ZNF253: variants seen among roughly 807,000 people sequenced by gnomAD.
ZNF253 encodes zinc finger protein 253.
A neutral mutation model predicts 11.9 loss-of-function variants in ZNF253; 8 were observed. The ratio of observed to expected loss-of-function variants is 0.67; its 90% CI spans 0.40 to 1.22. The LOEUF (loss-of-function observed/expected upper bound fraction) is 1.22, where lower values mean the gene tolerates loss of function less well. Ranked by LOEUF, ZNF253 falls within the 50% of genes most tolerant of loss-of-function variation. ZNF253 has a pLI of 0.01. For synonymous variants in ZNF253, 194 were observed against 194.9 expected (o/e 1.00, Z 0.04); for missense variants, 485 against 586.9 (o/e 0.83, Z 1.79).
intron 1 of ZNF253, among the ~76,000 whole-genome samples, chr19:19,867,041 C>T (rs2063114456): frequency 6.6e-6 from 1 of 152,046 alleles, no homozygotes; most frequent in Non-Finnish European, 1.5e-5. Flanking sequence ...TCCCTTTTCT[C>T]CTATTAAAAA....
rs1052418403 is a variant in ZNF253 at position 19,893,020 on chromosome 19, G to A, written c.*273G>A. 8.2e-6 allele frequency: 3 copies of A among 366,356 alleles called. No individual in the cohort carries two copies. Among genetic ancestry groups the A allele is most frequent in the African/African-American group, 2.1e-5 (1 of 46,780 alleles). The allele number at this position is 366,356 out of a possible 1,614,324, so 22.7% of individuals were successfully genotyped here. A position where few individuals can be genotyped will look rare whatever the true frequency, so the allele number is the denominator to read the frequency against. ...GAGATGGAGTTTCACTCTTGTCACC[G>A]AGGCTGGAGTGCAATGACATGATCT... On this transcript the variant is annotated 3_prime_UTR_variant, in exon 4 of 4. Transcript: ENST00000589717.
chr19:19,875,958 T>C (rs1238568385), intron 1 of ZNF253, among the ~76,000 whole-genome samples: 2 of 152,216 alleles, frequency 1.3e-5, no homozygotes, highest in African/African-American at 4.8e-5. Flanking sequence ...ATTGCATTAG[T>C]ACATGTGTAC....
chr19:19,885,483 T>C (rs1343566614), intron 3 of ZNF253, among the ~76,000 whole-genome samples: 1 of 151,594 alleles, frequency 6.6e-6, no homozygotes, highest in African/African-American at 2.4e-5. Context: ...CTCTGCCTTC[T>C]GGGTTCACGC....
chr19:19,894,560 C>A lies in ZNF253; in HGVS notation c.*1813C>A, dbSNP rs550776408. 4 of 152,094 alleles carry A rather than the reference C, an allele frequency of 2.6e-5. No homozygotes were observed. The allele number at this position is 152,094 out of a possible 1,614,324, so 9.4% of individuals were successfully genotyped here. On this transcript the variant is annotated 3_prime_UTR_variant, in exon 4 of 4. Transcript: ENST00000589717. ...CCTAGCCAATGACTTAATGTTGATGCTTTGAATGTCTTTTGGATGGTCTAA... is the reference window on the plus strand; with the variant it reads ...CCTAGCCAATGACTTAATGTTGATGATTTGAATGTCTTTTGGATGGTCTAA...
In ZNF253 at chr19:19,885,371, CT is replaced by C. The variant is rs778255156; in HGVS notation, c.226+5229del. ...CTTTCTTTCTTCCTTTCTTTTCTTTCTTTTCTTTCTTTTCTTTCTTTTCTTT... is the reference window on the plus strand; with the variant it reads ...CTTTCTTTCTTCCTTTCTTTTCTTTCTTTCTTTCTTTTCTTTCTTTTCTTT... On this transcript the variant is annotated intron_variant, in intron 3 of 3. Coordinates refer to ENST00000589717, the MANE Select transcript of ZNF253 (RefSeq NM_021047.3). Among the ~76,000 whole-genome samples, 7 of 55,180 alleles carry C rather than the reference CT, an allele frequency of 1.3e-4. 3 individuals carry two copies. Among genetic ancestry groups the C allele is most frequent in the African/African-American group, 1.0e-3 (6 of 5,824 alleles). The allele number at this position is 55,180 out of a possible 152,430, so 36.2% of individuals were successfully genotyped here.
intron 3 of ZNF253, among the ~76,000 whole-genome samples, chr19:19,886,290 G>A (rs773611211): frequency 3.9e-5 from 6 of 152,284 alleles, no homozygotes; most frequent in South Asian, 4.2e-4. Flanking sequence ...ACTGTTCCCA[G>A]TATTTTAAAA....
chr19:19,867,725 A>G (rs895771536), intron 1 of ZNF253, among the ~76,000 whole-genome samples: 6 of 152,206 alleles, frequency 3.9e-5, no homozygotes, highest in African/African-American at 1.2e-4. Flanking sequence ...TGTCTTTGCT[A>G]TTGTGAATAG....
intron 3 of ZNF253, among the ~76,000 whole-genome samples, chr19:19,888,437 T>C (rs1490293173): frequency 6.6e-6 from 1 of 152,014 alleles, no homozygotes; most frequent in Non-Finnish European, 1.5e-5. Context: ...TGTGTTTTTT[T>C]TTTATTTTTG....
rs1475422705 is a variant in ZNF253 at position 19,888,294 on chromosome 19, CCT to C, written c.227-3178_227-3177del. On this transcript the variant is annotated intron_variant, in intron 3 of 3. Transcript: ENST00000589717. ...GGCCACGCTGGTCTTGGACTCCTGACCTCCAGTGATTCACCCGCCTTGGTCTC... is the reference window on the plus strand; with the variant it reads ...GGCCACGCTGGTCTTGGACTCCTGACCCAGTGATTCACCCGCCTTGGTCTC... 2.0e-5 allele frequency among the ~76,000 whole-genome samples: 3 copies of C among 152,272 alleles called. No homozygotes were observed. In the East Asian group the frequency reaches 5.8e-4, roughly 29 times the overall value.
chr19:19,875,900 C>G (rs2063153679), intron 1 of ZNF253, among the ~76,000 whole-genome samples: 1 of 152,192 alleles, frequency 6.6e-6, no homozygotes, highest in African/African-American at 2.4e-5. Flanking sequence ...ATGCCCAGCA[C>G]AGTGCTCTGT....
chr19:19,872,801 G>T (rs1023894808), intron 1 of ZNF253, among the ~76,000 whole-genome samples: 1 of 151,576 alleles, frequency 6.6e-6, no homozygotes, highest in Non-Finnish European at 1.5e-5. Context: ...TTCATGTTGT[G>T]TCAGCTTTTT....
intron 1 of ZNF253, among the ~76,000 whole-genome samples, chr19:19,868,102 T>C (rs2063118948): frequency 6.6e-6 from 1 of 152,064 alleles, no homozygotes; most frequent in African/African-American, 2.4e-5. Context: ...ATTAGACTTT[T>C]GTCAGAGGCA....
chr19:19,873,823 G>A (rs1481951197), intron 1 of ZNF253, among the ~76,000 whole-genome samples: 1 of 152,008 alleles, frequency 6.6e-6, no homozygotes, highest in East Asian at 1.9e-4. Context: ...CAAAATCTTG[G>A]GCTTTATTTA....
At chr19:19,880,300 A>G (rs1203993780) in intron 3 of ZNF253, among the ~76,000 whole-genome samples, 154 bp downstream of exon 3, 1 of 142,314 alleles carries the variant, frequency 7.0e-6, no homozygotes, top group East Asian at 2.1e-4. Context: ...TTTCTCCCAC[A>G]AAGGGGCATC....
In ZNF253 at chr19:19,893,387, G is replaced by A. The variant is rs1299102493; in HGVS notation, c.*640G>A. On this transcript the variant is annotated 3_prime_UTR_variant, in exon 4 of 4. Coordinates refer to ENST00000589717, the MANE Select transcript of ZNF253 (RefSeq NM_021047.3). ...GGAAATCTGGAAACCTGAAAGATGC[G>A]ACATTGCTTTTACCAACACCTCCAC... is the stretch of plus-strand genomic sequence containing the variant. The A allele has an allele frequency of 5.9e-5, 9 of 152,198 alleles. No homozygotes were observed. The highest frequency in any genetic ancestry group is 2.1e-4 in the South Asian group (1 of 4,832). 9.4% of individuals were successfully genotyped at this position (152,198 alleles called of 1,614,324 possible). A position where few individuals can be genotyped will look rare whatever the true frequency, so the allele number is the denominator to read the frequency against.
intron 1 of ZNF253, 73 bp downstream of exon 1, chr19:19,866,072 C>A: frequency 6.3e-7 from 1 of 1,593,522 alleles, no homozygotes; most frequent in Non-Finnish European, 8.6e-7. Context: ...TCTGGCGGGA[C>A]TCTGCTTCCT....
chr19:19,886,350 A>G (rs2063206392), intron 3 of ZNF253, among the ~76,000 whole-genome samples: 1 of 152,214 alleles, frequency 6.6e-6, no homozygotes, highest in South Asian at 2.1e-4. Flanking sequence ...GATGCAAATA[A>G]GAATATTGTG....
In ZNF253 at chr19:19,886,083, C is replaced by T. The variant is rs78232582; in HGVS notation, c.227-5391C>T. Among the ~76,000 whole-genome samples the T allele has an allele frequency of 2.5e-3, 382 of 152,276 alleles. 1 individual carries two copies. Among genetic ancestry groups the T allele is most frequent in the South Asian group, 8.1e-3 (39 of 4,820 alleles). On this transcript the variant is annotated intron_variant, in intron 3 of 3. Coordinates refer to ENST00000589717, the MANE Select transcript of ZNF253 (RefSeq NM_021047.3). ...TTTTGGCTCACTGTAGCCTCAGTCT[C>T]CTGGGCTCAAGTGATTCTTTCACAT...
intron 3 of ZNF253, among the ~76,000 whole-genome samples, chr19:19,882,675 T>C (rs2063182705): frequency 6.6e-6 from 1 of 152,158 alleles, no homozygotes; most frequent in Non-Finnish European, 1.5e-5. Context: ...ATTTGAGGTT[T>C]AATTAAGAGA....
Sources: allele counts gnomAD v4.1 joint callset (sites outside exome capture counted in the v4.1 genomes callset), GRCh38; gene constraint gnomAD v4.1.1; transcripts MANE v1.5; gene names NCBI Gene and HGNC (gene_info 2026-07-23, HGNC 2026-07-21).